The following NAALADL2 variants were observed in gnomAD, a reference collection of about 807,000 sequenced individuals.
NAALADL2 encodes inactive N-acetylated-alpha-linked acidic dipeptidase-like protein 2.
A neutral mutation model predicts 87.2 loss-of-function variants in NAALADL2; 76 were observed. That is an observed-to-expected ratio of 0.87 (90% CI 0.72 to 1.05). The LOEUF is 1.05. Among genes scored for constraint, NAALADL2 ranks in the 50% least tolerant of loss-of-function variants. NAALADL2 has a pLI of 0.00. For missense variants in NAALADL2, 1,089 were observed against 945.8 expected (o/e 1.15, Z -1.99); for synonymous variants, 354 against 331.0 (o/e 1.07, Z -0.75).
At chr3:175,257,117 A>G (rs1750099693) in intron 4 of NAALADL2, 1 of 151,946 alleles carries the variant, frequency 6.6e-6, no homozygotes, top group African/African-American at 2.4e-5. Flanking sequence ...ACACTTATGT[A>G]ATTAAGTTTC....
At chr3:175,256,097 C>T (rs1253295333) in intron 3 of NAALADL2, among the ~76,000 whole-genome samples, 2 of 152,170 alleles carry the variant, frequency 1.3e-5, no homozygotes, top group Admixed American at 6.5e-5. Context: ...TAAAATGGCT[C>T]ATATTCCAGA....
rs545002619 is a variant in NAALADL2, at chr3:175,002,242, A to C, written c.44-94548A>C. 2.0e-5 allele frequency among the ~76,000 whole-genome samples: 3 copies of C among 152,350 alleles called. No homozygotes were observed. In the East Asian group the frequency reaches 5.8e-4, roughly 29 times the overall value. ...AGATACCCCTATGGGTAACAGTGTC[A>C]AGAAAAAGAAGAAGCATTTGTTTTA... is the stretch of plus-strand genomic sequence containing the variant. On this transcript the variant is annotated intron_variant, in intron 1 of 13. Coordinates refer to ENST00000454872, the MANE Select transcript of NAALADL2 (RefSeq NM_207015.3).
At chr3:175,265,161 T>G (rs1461705272) in intron 4 of NAALADL2, among the ~76,000 whole-genome samples, 1 of 151,668 alleles carries the variant, frequency 6.6e-6, no homozygotes, top group Non-Finnish European at 1.5e-5. Context: ...AGTTTTGTCA[T>G]TTGCTAAATG....
At chr3:174,500,067 C>T (rs531928718) in intron 1 of NAALADL2, among the ~76,000 whole-genome samples, 55 of 151,466 alleles carry the variant, frequency 3.6e-4, no homozygotes, top group Admixed American at 3.0e-3. Context: ...AAAGGTGTGC[C>T]TCTCTGTTTA....
intron 11 of NAALADL2, among the ~76,000 whole-genome samples, chr3:175,691,428 T>C (rs1737032357): frequency 6.6e-6 from 1 of 151,822 alleles, no homozygotes; most frequent in Non-Finnish European, 1.5e-5. Flanking sequence ...AAAAAATTTC[T>C]GTCTTTAGAG....
chr3:175,239,216 C>G (rs1581064854), intron 3 of NAALADL2, among the ~76,000 whole-genome samples: 1 of 152,118 alleles, frequency 6.6e-6, no homozygotes, highest in East Asian at 1.9e-4. Context: ...GGAGAGTTGT[C>G]CTGTCAGATG....
At chr3:175,457,955 A>G (rs1355100393) in intron 6 of NAALADL2, among the ~76,000 whole-genome samples, 1 of 152,086 alleles carries the variant, frequency 6.6e-6, no homozygotes, top group Non-Finnish European at 1.5e-5. Context: ...TATATTCATA[A>G]TAGATTCAAT....
chr3:175,676,094 G>A (rs970179984), intron 11 of NAALADL2: 1 of 152,024 alleles, frequency 6.6e-6, no homozygotes, highest in Non-Finnish European at 1.5e-5. Flanking sequence ...TTCATCAGGG[G>A]CAAAGTAATG....
intron 1 of NAALADL2, among the ~76,000 whole-genome samples, chr3:174,981,111 A>T (rs62286235): frequency 0.031 from 4,664 of 152,280 alleles, 131 homozygotes; most frequent in Admixed American, 0.08. Context: ...TAAAATAGTA[A>T]GAGAAAGTTA....
At chr3:174,790,360 T>A (rs528668827) in intron 3 of NAALADL2, among the ~76,000 whole-genome samples, 1 of 152,276 alleles carries the variant, frequency 6.6e-6, no homozygotes, top group Middle Eastern at 3.4e-3. Flanking sequence ...CTGTCAAATA[T>A]TGCATAAGTT....
intron 1 of NAALADL2, among the ~76,000 whole-genome samples, chr3:174,450,888 A>G (rs1715435242): frequency 6.6e-6 from 1 of 150,782 alleles, no homozygotes; most frequent in African/African-American, 2.4e-5. Context: ...AAAAAAAAAA[A>G]AAAAAGAAAG....
chr3:174,443,202 C>A (rs73881156), intron 1 of NAALADL2, among the ~76,000 whole-genome samples: 1,945 of 152,206 alleles, frequency 0.013, 39 homozygotes, highest in African/African-American at 0.045. Context: ...TGAGAACAGA[C>A]TGAAGAAAGC....
chr3:175,269,919 G>A lies in NAALADL2; in HGVS notation c.939+13389G>A, dbSNP rs184280660. ...TACTTTCACATGGTTCAGAATGAGA[G>A]AGATACACAGAGAAAGATAAAGGAA... On this transcript the variant is annotated intron_variant, in intron 4 of 13. Transcript: ENST00000454872. Among the ~76,000 whole-genome samples, 716 of 152,216 alleles carry A rather than the reference G, an allele frequency of 4.7e-3. 8 individuals are homozygous for A. The highest frequency in any genetic ancestry group is 0.016 in the African/African-American group (671 of 41,522).
intron 2 of NAALADL2, among the ~76,000 whole-genome samples, chr3:174,612,976 G>A (rs1267515501): frequency 2.0e-5 from 3 of 152,110 alleles, no homozygotes; most frequent in Non-Finnish European, 2.9e-5. Context: ...TGGGTATTAC[G>A]ACCTAAGCTG....
At chr3:175,323,788 T>A (rs62287013) in intron 4 of NAALADL2, among the ~76,000 whole-genome samples, 1 of 151,050 alleles carries the variant, frequency 6.6e-6, no homozygotes, top group East Asian at 2.0e-4. Context: ...GAGGCCGAGG[T>A]GGGCGGATCA....
chr3:175,281,862 T>C (rs530292060), intron 4 of NAALADL2, among the ~76,000 whole-genome samples: 3 of 152,116 alleles, frequency 2.0e-5, no homozygotes, highest in African/African-American at 7.2e-5. Context: ...TTCTTCTCTG[T>C]CACTTAACAA....
intron 2 of NAALADL2, among the ~76,000 whole-genome samples, chr3:175,210,126 A>G (rs1741554634): frequency 6.6e-6 from 1 of 151,886 alleles, no homozygotes; most frequent in South Asian, 2.1e-4. Flanking sequence ...AGAAAAAGCC[A>G]AACAAGCAAA....
At chr3:175,060,853 G>C (rs1713305092) in intron 1 of NAALADL2, among the ~76,000 whole-genome samples, 1 of 152,118 alleles carries the variant, frequency 6.6e-6, no homozygotes. Flanking sequence ...TTTGAGACCA[G>C]CCTGATCAAC....
At position 174,904,330 on chromosome 3, in the gene NAALADL2, G is replaced by A. The variant is rs191027634; in HGVS notation, c.43+44880G>A. On this transcript the variant is annotated intron_variant, in intron 1 of 13. Transcript: ENST00000454872. ...ACTTATTAAGAATCTGAGTTCTGATGAATTAGATGTTTATACGTTCTGTAT... is the reference window on the plus strand; with the variant it reads ...ACTTATTAAGAATCTGAGTTCTGATAAATTAGATGTTTATACGTTCTGTAT... 2.7e-3 allele frequency among the ~76,000 whole-genome samples: 404 copies of A among 151,920 alleles called. 2 individuals carry two copies. Among genetic ancestry groups the A allele is most frequent in the African/African-American group, 9.4e-3 (391 of 41,460 alleles).
Sources: allele counts gnomAD v4.1 joint callset (sites outside exome capture counted in the v4.1 genomes callset), GRCh38; gene constraint gnomAD v4.1.1; transcripts MANE v1.5; gene names NCBI Gene and HGNC (gene_info 2026-07-23, HGNC 2026-07-21).